Variants in TOGARAM1 observed in about 807,000 individuals in gnomAD.
The protein encoded by TOGARAM1 is TOG array regulator of axonemal microtubules protein 1.
TOGARAM1 carries 100 observed loss-of-function variants against 166.6 expected under a neutral mutation model. The ratio of observed to expected loss-of-function variants is 0.60; its 90% CI spans 0.51 to 0.71. The LOEUF is 0.71. TOGARAM1 is among the 30% of genes least tolerant of loss of function. TOGARAM1 has a pLI of 0.00. For missense variants in TOGARAM1, 2,029 were observed against 2,102.7 expected, an observed-to-expected ratio of 0.96 and a Z score of 0.69; for synonymous variants, 758 against 763.8, an observed-to-expected ratio of 0.99 and a Z score of 0.13.
chr14:45,046,839 C>G (rs1882090396), intron 14 of TOGARAM1, 136 bp downstream of exon 14: 6 of 643,274 alleles, frequency 9.3e-6, no homozygotes, highest in Non-Finnish European at 1.1e-5. Flanking sequence ...GGGGGATGGT[C>G]TTATTTAACC....
At chr14:44,966,704 T>C (rs1885561297) in intron 1 of TOGARAM1, among the ~76,000 whole-genome samples, 1 of 151,982 alleles carries the variant, frequency 6.6e-6, no homozygotes, top group Non-Finnish European at 1.5e-5. Flanking sequence ...TAGTCTTTGA[T>C]TATTTCCTTA....
intron 6 of TOGARAM1, among the ~76,000 whole-genome samples, chr14:45,011,167 A>G (rs74995561): frequency 3.3e-4 from 51 of 152,348 alleles, no homozygotes; most frequent in Non-Finnish European, 6.3e-4. Context: ...AAAGTACAGG[A>G]AAGAATAGTC....
intron 1 of TOGARAM1, among the ~76,000 whole-genome samples, chr14:44,990,837 G>C (rs1290280247): frequency 6.6e-6 from 1 of 151,630 alleles, no homozygotes; most frequent in Non-Finnish European, 1.5e-5. Context: ...TTGTTTTTGA[G>C]ATGGGGTCTT....
chr14:45,061,828 A>ATTC (rs2138993482), intron 16 of TOGARAM1, among the ~76,000 whole-genome samples: 2 of 152,104 alleles, frequency 1.3e-5, no homozygotes, highest in East Asian at 3.9e-4. Flanking sequence ...TTGTCTTAGA[A>ATTC]TGTCTTTGGA....
intron 7 of TOGARAM1, among the ~76,000 whole-genome samples, chr14:45,018,208 T>C (rs180823649): frequency 5.9e-5 from 9 of 152,288 alleles, no homozygotes; most frequent in Non-Finnish European, 1.0e-4. Flanking sequence ...GCTGTGGTCA[T>C]TATAAGGTCA....
intron 16 of TOGARAM1, among the ~76,000 whole-genome samples, chr14:45,059,898 C>A (rs1882821137): frequency 6.6e-6 from 1 of 150,428 alleles, no homozygotes; most frequent in Non-Finnish European, 1.5e-5. Flanking sequence ...CACCTAGGAG[C>A]TTTTTAGAAA....
Position 45,027,354 on chromosome 14 carries a change from T to C in TOGARAM1, c.3384T>C (p.Ser1128=), listed in dbSNP as rs748736990. 2 of 1,613,704 alleles carry C rather than the reference T, an allele frequency of 1.2e-6. No homozygotes were observed. The highest frequency in any genetic ancestry group is 1.7e-6 in the Non-Finnish European group (2 of 1,179,878). The part of the protein sequence containing the change: ...APATCSQSVI[S]SVENGDTFSI... ...CAACCTGCAGCCAATCAGTGATATC[T>C]TCTGTGGAAAATGGGGATACATTTT... is the stretch of plus-strand genomic sequence containing the variant. Residue 1128 remains serine, a synonymous_variant, in exon 9 of 20, where the codon TCT becomes TCC. Transcript: ENST00000361462.
rs140024048 is a variant in TOGARAM1, at chr14:44,968,528, G to A, written c.2046+4061G>A. On this transcript the variant is annotated intron_variant, in intron 1 of 19. Transcript: ENST00000361462. ...CTCCCAAAGTGCTGGGATTACAGGC[G>A]TGAGCCACCGCGCCCGGCCTGGACT... is the stretch of plus-strand genomic sequence containing the variant. Among the ~76,000 whole-genome samples the A allele has an allele frequency of 1.4e-4, 21 of 152,268 alleles. No individual in the cohort carries two copies. The East Asian group carries it at 2.5e-3, about 18-fold the overall frequency.
intron 1 of TOGARAM1, among the ~76,000 whole-genome samples, chr14:44,982,831 A>G (rs1886603493): frequency 6.6e-6 from 1 of 152,206 alleles, no homozygotes; most frequent in Admixed American, 6.5e-5. Flanking sequence ...CTTCTTCTCA[A>G]TGATGGTAAA....
chr14:44,995,280 T>G (rs57796490), intron 1 of TOGARAM1, among the ~76,000 whole-genome samples: 2 of 152,326 alleles, frequency 1.3e-5, no homozygotes, highest in African/African-American at 4.8e-5. Context: ...TAGGTTGCCA[T>G]GTTATTTACA....
At chr14:45,023,588 C>A (rs1050665995) in intron 7 of TOGARAM1, among the ~76,000 whole-genome samples, 7 of 152,140 alleles carry the variant, frequency 4.6e-5, no homozygotes, top group African/African-American at 7.2e-5. Flanking sequence ...TCAGGTATGC[C>A]AGGGGTTGCA....
At chr14:45,063,321 A>G (rs1182620489) in intron 16 of TOGARAM1, among the ~76,000 whole-genome samples, 1 of 152,108 alleles carries the variant, frequency 6.6e-6, no homozygotes, top group African/African-American at 2.4e-5. Flanking sequence ...ATCATATGAT[A>G]ACTCTATGTT....
At chr14:45,029,996 AT>A (rs1425527037) in intron 10 of TOGARAM1, among the ~76,000 whole-genome samples, 2 of 151,958 alleles carry the variant, frequency 1.3e-5, no homozygotes, top group African/African-American at 4.8e-5. Context: ...TAATTTTTGT[AT>A]TTTTAGTCAA....
intron 7 of TOGARAM1, among the ~76,000 whole-genome samples, chr14:45,022,558 T>A (rs538343409): frequency 2.3e-4 from 35 of 151,698 alleles, no homozygotes; most frequent in Admixed American, 1.1e-3. Context: ...GGTGAAGGGT[T>A]TTAAGTAATT....
At chr14:45,037,614 A>T (rs1302971028) in intron 11 of TOGARAM1, among the ~76,000 whole-genome samples, 1 of 152,200 alleles carries the variant, frequency 6.6e-6, no homozygotes, top group Non-Finnish European at 1.5e-5. Flanking sequence ...TTACCATATA[A>T]TATTGCTTGA....
intron 7 of TOGARAM1, among the ~76,000 whole-genome samples, chr14:45,013,417 T>G (rs1442144339): frequency 6.6e-6 from 1 of 152,340 alleles, no homozygotes; most frequent in East Asian, 1.9e-4. Context: ...AATGTGTGAC[T>G]TAACCAGGTG....
At chr14:44,965,999 T>C (rs1461174558) in intron 1 of TOGARAM1, among the ~76,000 whole-genome samples, 1 of 150,884 alleles carries the variant, frequency 6.6e-6, no homozygotes, top group Non-Finnish European at 1.5e-5. Context: ...CTCAGTGTCC[T>C]GAGTAGCTGA....
chr14:45,058,177 C>G (rs1315924763), intron 16 of TOGARAM1, among the ~76,000 whole-genome samples: 1 of 151,884 alleles, frequency 6.6e-6, no homozygotes. Flanking sequence ...CTGAATTCAT[C>G]CCTTATCATT....
chr14:45,031,668 T>G (rs1221760884), intron 10 of TOGARAM1, among the ~76,000 whole-genome samples: 1 of 152,232 alleles, frequency 6.6e-6, no homozygotes, highest in Non-Finnish European at 1.5e-5. Context: ...TTACTTGTAG[T>G]TTTATTAAAT....
Sources: gnomAD v4.1 joint callset for allele counts (sites outside exome capture counted in the v4.1 genomes callset) on GRCh38, gnomAD v4.1.1 for gene constraint, MANE v1.5 for transcripts, NCBI Gene and HGNC (gene_info 2026-07-23, HGNC 2026-07-21) for gene names.